Variants in USP3 observed in about 807,000 individuals in gnomAD.
USP3 encodes ubiquitin specific peptidase 3.
USP3 carries 20 observed loss-of-function variants against 72.3 expected under a neutral mutation model. That is an observed-to-expected ratio of 0.28 (90% confidence interval 0.19 to 0.40). The LOEUF is 0.40. USP3 is among the 10% of genes least tolerant of loss of function. The probability of loss-of-function intolerance (pLI) is 1.00; values close to 1 mark genes in which losing one functional copy is unlikely to be tolerated. For missense variants in USP3, 479 were observed against 633.9 expected (o/e 0.76, Z 2.62); for synonymous variants, 222 against 225.3 (o/e 0.99, Z 0.13).
intron 11 of USP3, among the ~76,000 whole-genome samples, chr15:63,575,636 G>T (rs968586153): frequency 2.6e-5 from 4 of 152,118 alleles, no homozygotes; most frequent in African/African-American, 9.7e-5. Flanking sequence ...TCCTTAACAG[G>T]AATACAGAAG....
intron 9 of USP3, among the ~76,000 whole-genome samples, chr15:63,572,839 A>G (rs1426905607): frequency 2.6e-5 from 4 of 152,220 alleles, no homozygotes; most frequent in Admixed American, 6.5e-5. Context: ...AAACAATTGA[A>G]AGAGCTGTGT....
intron 8 of USP3, among the ~76,000 whole-genome samples, chr15:63,569,504 G>A (rs1280505580): frequency 3.3e-5 from 5 of 152,204 alleles, no homozygotes; most frequent in African/African-American, 1.2e-4. Context: ...GCCTGGAAGA[G>A]TAGTGGGAGT....
chr15:63,527,956 C>T (rs933360466), intron 1 of USP3: 2 of 152,144 alleles, frequency 1.3e-5, no homozygotes, highest in African/African-American at 4.8e-5. Flanking sequence ...TCTCCATGGC[C>T]CAGCATATGT....
intron 3 of USP3, among the ~76,000 whole-genome samples, chr15:63,550,957 G>C (rs1567110605): frequency 6.6e-6 from 1 of 152,096 alleles, no homozygotes; most frequent in Non-Finnish European, 1.5e-5. Context: ...AGGAATTTGA[G>C]ACCAGGCTGG....
At chr15:63,509,949 T>C (rs2065761021) in intron 1 of USP3, among the ~76,000 whole-genome samples, 1 of 152,238 alleles carries the variant, frequency 6.6e-6, no homozygotes, top group Non-Finnish European at 1.5e-5. Context: ...ACATCCTTCA[T>C]GGTCTAAGCA....
Position 63,543,362 on chromosome 15 carries a change from G to C in USP3, c.284+6206G>C, listed in dbSNP as rs1002011927. On this transcript the variant is annotated intron_variant, in intron 3 of 14. Transcript: ENST00000380324. ...TTTTGAGAAGCTACTATGTGCTAGG[G>C]ACCTAGTTTTTAGTGCAGTGGTCTC... 7.9e-5 allele frequency among the ~76,000 whole-genome samples: 12 copies of C among 152,182 alleles called. No homozygotes were observed. In the East Asian group the frequency reaches 2.3e-3, roughly 29 times the overall value.
intron 3 of USP3, among the ~76,000 whole-genome samples, chr15:63,539,591 A>G (rs897285348): frequency 6.6e-5 from 10 of 152,194 alleles, no homozygotes; most frequent in African/African-American, 9.7e-5. Context: ...TTATTTCGCT[A>G]TGGTCTGCTA....
At chr15:63,511,654 G>C (rs1325556143) in intron 1 of USP3, among the ~76,000 whole-genome samples, 1 of 152,028 alleles carries the variant, frequency 6.6e-6, no homozygotes, top group Non-Finnish European at 1.5e-5. Context: ...ATTAGCTTTT[G>C]GTTATTTTTA....
intron 3 of USP3, among the ~76,000 whole-genome samples, chr15:63,539,831 C>T (rs1179569875): frequency 6.6e-6 from 1 of 152,144 alleles, no homozygotes; most frequent in African/African-American, 2.4e-5. Context: ...GGAATCACCC[C>T]GTAGCATTAC....
intron 1 of USP3, among the ~76,000 whole-genome samples, chr15:63,505,492 G>T (rs546483460): frequency 2.6e-5 from 4 of 152,372 alleles, no homozygotes; most frequent in African/African-American, 9.6e-5. Flanking sequence ...CTCGGAGGCT[G>T]AGCCAACAGC....
Position 63,574,382 on chromosome 15 carries a change from G to A in USP3, c.1075G>A (p.Gly359Arg). 4 of 1,604,918 alleles carry A rather than the reference G, an allele frequency of 2.5e-6. No individual in the cohort carries two copies. The highest frequency in any genetic ancestry group is 3.4e-6 in the Non-Finnish European group (4 of 1,176,534). Residue 359 changes from glycine (G) to arginine (R), a missense_variant, in exon 11 of 15, where the codon GGA becomes AGA. Coordinates refer to ENST00000380324, the MANE Select transcript of USP3 (RefSeq NM_006537.4). This position sits in a 1 kb window ranked among gnomAD's most constrained non-coding sequence, Gnocchi z 4.6. ...RSKRSKNQENGPVCSLRDCLR... is the reference protein window; with the variant it reads ...RSKRSKNQENRPVCSLRDCLR... ...TAAGCGCTCTAAGAATCAAGAAAATGGACCAGTTTGTTCGTTACGAGGTAA... is the reference window on the plus strand; with the variant it reads ...TAAGCGCTCTAAGAATCAAGAAAATAGACCAGTTTGTTCGTTACGAGGTAA...
In USP3 at chr15:63,553,643, G is replaced by C; in HGVS notation, c.285-72G>C. The C allele has an allele frequency of 7.0e-7, 1 of 1,438,774 alleles. No individual in the cohort carries two copies. The highest frequency in any genetic ancestry group is 9.5e-7 in the Non-Finnish European group (1 of 1,056,816). 89.1% of individuals were successfully genotyped at this position (1,438,774 alleles called of 1,614,324 possible). A position where few individuals can be genotyped will look rare whatever the true frequency, so the allele number is the denominator to read the frequency against. On this transcript the variant is annotated intron_variant, in intron 3 of 14. Transcript: ENST00000380324. The surrounding 1 kb of genome is among the most constrained non-coding windows in gnomAD (Gnocchi z 4.2). The stretch of plus-strand genomic sequence containing the variant: ...CATGTGATCATCTTGGCAACAGCCA[G>C]ACCTTTTAGTGATTTCATTACTGTG...
At position 63,537,112 on chromosome 15, in the gene USP3, T is replaced by A; in HGVS notation, c.240T>A (p.Val80=). 1 of 1,614,128 alleles carries A rather than the reference T, an allele frequency of 6.2e-7. No homozygotes were observed. The highest frequency in any genetic ancestry group is 8.5e-7 in the Non-Finnish European group (1 of 1,179,990). Reference sequence around the variant, plus strand: ...AGAAATCAGAAAAGCAAGATAAAGTTCAGCACACAGTATGTATGGATTGCA... The same window carrying A: ...AGAAATCAGAAAAGCAAGATAAAGTACAGCACACAGTATGTATGGATTGCA... ...NHKKSEKQDK[V]QHTVCMDCSS... Residue 80 remains valine, a synonymous_variant, in exon 3 of 15, where the codon GTT becomes GTA. Transcript: ENST00000380324.
intron 3 of USP3, among the ~76,000 whole-genome samples, chr15:63,546,653 G>T (rs1199753122): frequency 6.6e-6 from 1 of 152,120 alleles, no homozygotes; most frequent in South Asian, 2.1e-4. Context: ...AGGCTGGAAT[G>T]CAGTGGCCTG....
In USP3 at chr15:63,544,601, G is replaced by C. The variant is rs576171931; in HGVS notation, c.284+7445G>C. ...ACATTAAATTTTAGGACAAGAAAAC[G>C]ATTGAGCCATGCTGTGTGTTTTCAT... is the stretch of plus-strand genomic sequence containing the variant. On this transcript the variant is annotated intron_variant, in intron 3 of 14. Transcript: ENST00000380324. The surrounding 1 kb of genome is among the most constrained non-coding windows in gnomAD (Gnocchi z 4.2). The C allele has an allele frequency of 1.5e-6, 1 of 656,282 alleles. No homozygotes were observed. The highest frequency in any genetic ancestry group is 2.8e-5 in the East Asian group (1 of 36,320). 40.7% of individuals were successfully genotyped at this position (656,282 alleles called of 1,614,324 possible). A position where few individuals can be genotyped will look rare whatever the true frequency, so the allele number is the denominator to read the frequency against.
At chr15:63,518,898 T>G (rs956316360) in intron 1 of USP3, among the ~76,000 whole-genome samples, 1 of 152,108 alleles carries the variant, frequency 6.6e-6, no homozygotes, top group African/African-American at 2.4e-5. Context: ...CCTGAGTAGC[T>G]GGGACTACTG....
intron 1 of USP3, among the ~76,000 whole-genome samples, chr15:63,524,159 A>T (rs1272707968): frequency 2.0e-5 from 3 of 152,252 alleles, no homozygotes; most frequent in South Asian, 2.1e-4. Flanking sequence ...TAAAATATTG[A>T]TGTGATACAC....
intron 7 of USP3, among the ~76,000 whole-genome samples, chr15:63,560,976 C>T (rs2066599230): frequency 6.6e-6 from 1 of 152,136 alleles, no homozygotes; most frequent in African/African-American, 2.4e-5. Flanking sequence ...GAGAGTAGGA[C>T]TGAACATGTC....
At chr15:63,510,098 T>G (rs74927570) in intron 1 of USP3, among the ~76,000 whole-genome samples, 19,914 of 152,202 alleles carry the variant, frequency 0.13, 1,786 homozygotes, top group South Asian at 0.19. Context: ...TTTTTCCTCA[T>G]TGAAATGTAT....
Sources: gnomAD v4.1 joint callset for allele counts (sites outside exome capture counted in the v4.1 genomes callset) on GRCh38, gnomAD v4.1.1 for gene constraint, Gnocchi (gnomAD v3.1) non-coding constraint, MANE v1.5 for transcripts, NCBI Gene and HGNC (gene_info 2026-07-23, HGNC 2026-07-21) for gene names.